The following CPNE8 variants were observed in gnomAD, a reference collection of about 807,000 sequenced individuals.
CPNE8 encodes copine-8.
Under a neutral mutation model 81.5 loss-of-function variants are expected in CPNE8, and 45 were observed. The ratio of observed to expected loss-of-function variants is 0.55; its 90% CI spans 0.44 to 0.71. The LOEUF is 0.71. Ranked by LOEUF, CPNE8 falls within the 30% of genes least tolerant of loss-of-function variation. CPNE8 has a pLI of 0.00. For missense variants in CPNE8, 594 were observed against 672.1 expected (o/e 0.88, Z 1.28); for synonymous variants, 252 against 226.3 (o/e 1.11, Z -1.02).
chr12:38,842,569 C>CTTTTTTTTTT (rs769891980), intron 4 of CPNE8, among the ~76,000 whole-genome samples: 1 of 110,836 alleles, frequency 9.0e-6, no homozygotes, highest in Non-Finnish European at 1.8e-5. Flanking sequence ...AACATTTTTC[C>CTTTTTTTTTT]TTTTTTTTTT....
chr12:38,757,794 C>T (rs1380995149), intron 10 of CPNE8, among the ~76,000 whole-genome samples: 1 of 151,944 alleles, frequency 6.6e-6, no homozygotes, highest in East Asian at 1.9e-4. Context: ...ATCCATTCCC[C>T]TAATTATTCT....
intron 6 of CPNE8, among the ~76,000 whole-genome samples, chr12:38,798,634 C>A (rs1419021715): frequency 6.6e-6 from 1 of 151,796 alleles, no homozygotes; most frequent in Non-Finnish European, 1.5e-5. Flanking sequence ...GAAGAAACTG[C>A]ATCAACTAAC....
At chr12:38,668,558 C>T (rs1230830823) in intron 19 of CPNE8, among the ~76,000 whole-genome samples, 1 of 152,102 alleles carries the variant, frequency 6.6e-6, no homozygotes, top group African/African-American at 2.4e-5. Context: ...ATGAGGTTGC[C>T]TCTGCTAACT....
intron 6 of CPNE8, among the ~76,000 whole-genome samples, chr12:38,796,175 T>A (rs746803466): frequency 1.3e-5 from 2 of 152,018 alleles, no homozygotes; most frequent in Admixed American, 1.3e-4. Context: ...TAATTCCAGC[T>A]ACTTGGGAGG....
intron 6 of CPNE8, among the ~76,000 whole-genome samples, chr12:38,807,630 A>T (rs1592109581): frequency 6.6e-6 from 1 of 151,944 alleles, no homozygotes; most frequent in East Asian, 1.9e-4. Flanking sequence ...TAAACGTTAG[A>T]CCTAAAACCA....
chr12:38,846,253 T>C (rs1290950550), intron 4 of CPNE8, among the ~76,000 whole-genome samples: 2 of 152,102 alleles, frequency 1.3e-5, no homozygotes, highest in Non-Finnish European at 2.9e-5. Flanking sequence ...CAAAATAAAA[T>C]ACACAGATGA....
chr12:38,898,156 C>T (rs1430244274), intron 1 of CPNE8, among the ~76,000 whole-genome samples: 1 of 152,148 alleles, frequency 6.6e-6, no homozygotes, highest in Non-Finnish European at 1.5e-5. Flanking sequence ...GCTATTACCA[C>T]CCTCTCCTGT....
chr12:38,776,849 TC>T (rs1941949023), intron 6 of CPNE8, among the ~76,000 whole-genome samples: 2 of 152,262 alleles, frequency 1.3e-5, no homozygotes, highest in South Asian at 4.1e-4. Context: ...AGAGCATTAC[TC>T]ATGTGTTGGT....
At chr12:38,905,915 G>T (rs764364504), upstream of CPNE8, 35 of 985,230 alleles carry the variant, frequency 3.6e-5, no homozygotes, top group Non-Finnish European at 4.0e-5. Flanking sequence ...GACCCCTACC[G>T]TCCAGGACCG....
intron 4 of CPNE8, among the ~76,000 whole-genome samples, chr12:38,846,755 A>T (rs1213369899): frequency 6.6e-6 from 1 of 152,090 alleles, no homozygotes; most frequent in Non-Finnish European, 1.5e-5. Flanking sequence ...ATTTGGCTGT[A>T]AGTCATTTGT....
chr12:38,816,787 CAG>C lies in CPNE8; in HGVS notation c.407+12590_407+12591del, dbSNP rs199962527. On this transcript the variant is annotated intron_variant, in intron 6 of 19. Coordinates refer to ENST00000331366, the MANE Select transcript of CPNE8 (RefSeq NM_153634.3). Reference sequence around the variant, plus strand: ...GCTGTCCATGTTTAGAATCTTTCATCAGAGTTACCTCAAACTGTGAAAGAATT... The same window carrying C: ...GCTGTCCATGTTTAGAATCTTTCATCAGTTACCTCAAACTGTGAAAGAATT... 3.7e-4 allele frequency among the ~76,000 whole-genome samples: 56 copies of C among 152,310 alleles called. No individual in the cohort carries two copies. The East Asian group carries it at 9.1e-3, about 25-fold the overall frequency.
chr12:38,732,122 G>C (rs1940845670), intron 10 of CPNE8, among the ~76,000 whole-genome samples: 1 of 151,916 alleles, frequency 6.6e-6, no homozygotes, highest in African/African-American at 2.4e-5. Flanking sequence ...CCTTAAAAAT[G>C]CCTGAATCAC....
chr12:38,745,790 C>T (rs529403834), intron 10 of CPNE8, among the ~76,000 whole-genome samples: 1 of 152,306 alleles, frequency 6.6e-6, no homozygotes, highest in Non-Finnish European at 1.5e-5. Context: ...AGCAATTCTG[C>T]CTCAGCCTCT....
intron 7 of CPNE8, among the ~76,000 whole-genome samples, chr12:38,774,587 G>T (rs1162588480): frequency 1.4e-5 from 2 of 144,490 alleles, no homozygotes; most frequent in African/African-American, 5.0e-5. Context: ...TTAATGTTAT[G>T]GTAGTTAATT....
chr12:38,827,013 CAAAA>C (rs56670584), intron 6 of CPNE8, among the ~76,000 whole-genome samples: 1 of 91,664 alleles, frequency 1.1e-5, no homozygotes. Context: ...ACTAAAAATA[CAAAA>C]AAAAAAAAAA....
At chr12:38,766,681 C>T (rs1049462243) in intron 8 of CPNE8, among the ~76,000 whole-genome samples, 1 of 151,950 alleles carries the variant, frequency 6.6e-6, no homozygotes, top group Non-Finnish European at 1.5e-5. Flanking sequence ...TATATAAGTG[C>T]AGCATTTTTT....
At position 38,767,388 on chromosome 12, in the gene CPNE8, A is replaced by T. The variant is rs569429776; in HGVS notation, c.575+247T>A. Reference sequence around the variant, plus strand: ...TCTTCTAAACTATTAACTCAATGTTATAATTGTATAACAAATAAAGAGGAA... The same window carrying T: ...TCTTCTAAACTATTAACTCAATGTTTTAATTGTATAACAAATAAAGAGGAA... On this transcript the variant is annotated intron_variant, in intron 8 of 19. Transcript: ENST00000331366. Among the ~76,000 whole-genome samples, 8 of 152,252 alleles carry T rather than the reference A, an allele frequency of 5.3e-5. No individual in the cohort carries two copies. In the South Asian group the frequency reaches 1.7e-3, roughly 32 times the overall value.
chr12:38,887,446 A>T (rs1372478506), intron 1 of CPNE8, among the ~76,000 whole-genome samples: 1 of 152,126 alleles, frequency 6.6e-6, no homozygotes. Context: ...GCACAAAGAG[A>T]TATCTGCTTG....
At chr12:38,698,868 A>G (rs1939861371) in intron 14 of CPNE8, among the ~76,000 whole-genome samples, 2 of 152,178 alleles carry the variant, frequency 1.3e-5, no homozygotes, top group Admixed American at 1.3e-4. Context: ...AGTTTGTTTT[A>G]GCTCTTCTGG....
Sources: allele counts gnomAD v4.1 joint callset (sites outside exome capture counted in the v4.1 genomes callset), GRCh38; gene constraint gnomAD v4.1.1; transcripts MANE v1.5; gene names NCBI Gene and HGNC (gene_info 2026-07-23, HGNC 2026-07-21).